FAM135B: variants seen among roughly 807,000 people sequenced by gnomAD.
The protein encoded by FAM135B is protein FAM135B.
Under a neutral mutation model 127.7 loss-of-function variants are expected in FAM135B, and 43 were observed. The ratio of observed to expected loss-of-function variants is 0.34; its 90% confidence interval spans 0.26 to 0.43. The LOEUF (loss-of-function observed/expected upper bound fraction) is 0.43. Ranked by LOEUF, FAM135B falls within the 20% of genes least tolerant of loss-of-function variation. The probability of loss-of-function intolerance (pLI) is 1.00; values close to 1 mark genes in which losing one functional copy is unlikely to be tolerated. For synonymous variants in FAM135B, 670 were observed against 665.1 expected (o/e 1.01, Z -0.11); for missense variants, 1,558 against 1,725.6 (o/e 0.90, Z 1.72).
At chr8:138,342,151 TATA>T (rs2131064664) in intron 2 of FAM135B, among the ~76,000 whole-genome samples, 1 of 152,292 alleles carries the variant, frequency 6.6e-6, no homozygotes, top group East Asian at 1.9e-4. Context: ...TAGGTTTTCT[TATA>T]ATATAGGGAA....
At chr8:138,250,278 A>G (rs921290802) in intron 6 of FAM135B, among the ~76,000 whole-genome samples, 14 of 152,140 alleles carry the variant, frequency 9.2e-5, no homozygotes, top group Admixed American at 2.0e-4. Context: ...GCTTAAACCC[A>G]GGAACCAGAG....
intron 1 of FAM135B, among the ~76,000 whole-genome samples, chr8:138,426,751 A>G (rs1834912436): frequency 6.6e-6 from 1 of 151,990 alleles, no homozygotes; most frequent in Non-Finnish European, 1.5e-5. Flanking sequence ...TATTAAGAGT[A>G]GACCTAAACA....
At chr8:138,373,257 T>G (rs1831258592) in intron 1 of FAM135B, among the ~76,000 whole-genome samples, 1 of 152,090 alleles carries the variant, frequency 6.6e-6, no homozygotes. Flanking sequence ...TTGTGAAGAT[T>G]TCATGGACAT....
At position 138,256,679 on chromosome 8, in the gene FAM135B, T is replaced by C. The variant is rs115379265; in HGVS notation, c.368+10A>G. On this transcript the variant is annotated intron_variant, in intron 5 of 19. Coordinates refer to ENST00000395297, the MANE Select transcript of FAM135B (RefSeq NM_015912.4). ...TGCTACTACAATTCAATAATTTCCA[T>C]GACACTCACTGCTGTTCACTGTCCG... 11 of 1,612,060 alleles carry C rather than the reference T, an allele frequency of 6.8e-6. No homozygotes were observed. Among genetic ancestry groups the C allele is most frequent in the East Asian group, 6.7e-5 (3 of 44,820 alleles).
chr8:138,323,643 G>C (rs1263661422), intron 2 of FAM135B, among the ~76,000 whole-genome samples: 11 of 152,194 alleles, frequency 7.2e-5, no homozygotes, highest in Admixed American at 7.2e-4. Flanking sequence ...TCTTGTGCTA[G>C]TTAAGCACAG....
intron 2 of FAM135B, among the ~76,000 whole-genome samples, chr8:138,335,099 T>C (rs1342393019): frequency 6.6e-6 from 1 of 152,210 alleles, no homozygotes; most frequent in African/African-American, 2.4e-5. Context: ...CTGTGATTTT[T>C]TGTTCAACAG....
chr8:138,136,403 A>G (rs1816665604), intron 19 of FAM135B, among the ~76,000 whole-genome samples: 1 of 152,178 alleles, frequency 6.6e-6, no homozygotes, highest in South Asian at 2.1e-4. Flanking sequence ...TAATTTAGAT[A>G]AGGTCTAGAA....
intron 11 of FAM135B, among the ~76,000 whole-genome samples, chr8:138,168,859 G>T (rs148057326): frequency 2.6e-5 from 4 of 152,228 alleles, no homozygotes; most frequent in African/African-American, 9.6e-5. Flanking sequence ...GAGCCTTACG[G>T]AGTCTATGAG....
At chr8:138,377,663 A>T (rs1831569567) in intron 1 of FAM135B, among the ~76,000 whole-genome samples, 1 of 152,196 alleles carries the variant, frequency 6.6e-6, no homozygotes, top group Non-Finnish European at 1.5e-5. Context: ...AATTTCAATG[A>T]GTTTTGGCAG....
intron 7 of FAM135B, among the ~76,000 whole-genome samples, chr8:138,228,508 G>A (rs1819652962): frequency 6.6e-6 from 1 of 152,092 alleles, no homozygotes; most frequent in African/African-American, 2.4e-5. Flanking sequence ...TTATTCCTAT[G>A]TTAAAGAATA....
chr8:138,258,778 C>G (rs1229733696), intron 4 of FAM135B, among the ~76,000 whole-genome samples: 1 of 147,922 alleles, frequency 6.8e-6, no homozygotes, highest in African/African-American at 2.5e-5. Flanking sequence ...GACTTCCTAC[C>G]CCTCCCTTCA....
chr8:138,348,136 T>TC, intron 2 of FAM135B, among the ~76,000 whole-genome samples: 1 of 100,796 alleles, frequency 9.9e-6, no homozygotes, highest in Non-Finnish European at 1.9e-5. Flanking sequence ...TCTTTTTTTT[T>TC]TTTTTTTTTT....
At chr8:138,400,335 C>A (rs1833088227) in intron 1 of FAM135B, among the ~76,000 whole-genome samples, 2 of 152,120 alleles carry the variant, frequency 1.3e-5, no homozygotes, top group South Asian at 4.1e-4. Context: ...GACCTGCTAC[C>A]AAAGAGCCCT....
At chr8:138,209,744 T>A (rs1817993517) in intron 7 of FAM135B, among the ~76,000 whole-genome samples, 1 of 152,118 alleles carries the variant, frequency 6.6e-6, no homozygotes, top group Non-Finnish European at 1.5e-5. Flanking sequence ...CTCAAACCCT[T>A]AGGAAAGTTG....
Position 138,243,587 on chromosome 8 carries a change from A to G in FAM135B, c.543-519T>C, listed in dbSNP as rs529877404. Among the ~76,000 whole-genome samples, 6 of 152,350 alleles carry G rather than the reference A, an allele frequency of 3.9e-5. 1 individual carries two copies. Among genetic ancestry groups the G allele is most frequent in the East Asian group, 3.9e-4 (2 of 5,182 alleles). On this transcript the variant is annotated intron_variant, in intron 6 of 19. Transcript: ENST00000395297. This position sits in a 1 kb window ranked among gnomAD's most constrained non-coding sequence, Gnocchi z 7.5. Reference sequence around the variant, plus strand: ...AAGCCAGAAAGCACTCGCTGTGTCAACGCTAATTGGGAAGACCATAACCTG... The same window carrying G: ...AAGCCAGAAAGCACTCGCTGTGTCAGCGCTAATTGGGAAGACCATAACCTG...
At chr8:138,230,176 C>A (rs1819805626) in intron 7 of FAM135B, among the ~76,000 whole-genome samples, 1 of 152,126 alleles carries the variant, frequency 6.6e-6, no homozygotes, top group South Asian at 2.1e-4. Context: ...GGGAATACAG[C>A]CAATCTCTGC....
chr8:138,486,704 C>A lies in FAM135B; in HGVS notation c.-20+9967G>T, dbSNP rs528672451. 3.3e-5 allele frequency among the ~76,000 whole-genome samples: 5 copies of A among 152,310 alleles called. No homozygotes were observed. In the South Asian group the frequency reaches 1.0e-3, roughly 32 times the overall value. ...ACTAGATATCCATGGCTGTCCTCTC[C>A]CTTGTCTAATACTGCTTCCCTCTCT... On this transcript the variant is annotated intron_variant, in intron 1 of 19. Coordinates refer to ENST00000395297, the MANE Select transcript of FAM135B (RefSeq NM_015912.4).
intron 2 of FAM135B, among the ~76,000 whole-genome samples, chr8:138,312,912 C>G (rs780595437): frequency 1.1e-4 from 17 of 152,044 alleles, no homozygotes; most frequent in Non-Finnish European, 2.1e-4. Flanking sequence ...GTGATTTTCA[C>G]AAAGGTGCAA....
In FAM135B at chr8:138,329,810, A is replaced by G. The variant is rs181725963; in HGVS notation, c.78-18890T>C. On this transcript the variant is annotated intron_variant, in intron 2 of 19. Transcript: ENST00000395297. ...TATAGTTGTTAATATTAATTCAAAC[A>G]TTATTATAGCTCCAGAAAAAGCCCT... 9.2e-4 allele frequency among the ~76,000 whole-genome samples: 140 copies of G among 152,338 alleles called. 1 individual carries two copies. Among genetic ancestry groups the G allele is most frequent in the African/African-American group, 3.3e-3 (136 of 41,564 alleles).
Sources: gnomAD v4.1 joint callset for allele counts (sites outside exome capture counted in the v4.1 genomes callset) on GRCh38, gnomAD v4.1.1 for gene constraint, Gnocchi (gnomAD v3.1) non-coding constraint, MANE v1.5 for transcripts, NCBI Gene and HGNC (gene_info 2026-07-23, HGNC 2026-07-21) for gene names.